The following CHST11 variants were observed in gnomAD, a reference collection of about 807,000 sequenced individuals.
CHST11 encodes carbohydrate sulfotransferase 11.
In CHST11, 9 loss-of-function variants were observed where a neutral mutation model predicts 30.4. The observed-to-expected ratio is 0.30, with a 90% CI of 0.18 to 0.52. CHST11 has a LOEUF of 0.52. Ranked by LOEUF, CHST11 falls within the 20% of genes least tolerant of loss-of-function variation. The probability of loss-of-function intolerance (pLI) is 0.97; values close to 1 mark genes in which losing one functional copy is unlikely to be tolerated. For missense variants in CHST11, 348 were observed against 460.6 expected (o/e 0.76, Z 2.24); for synonymous variants, 152 against 187.8 (o/e 0.81, Z 1.56).
chr12:104,614,667 TTATGCA>T (rs1454970978), intron 2 of CHST11, among the ~76,000 whole-genome samples: 5 of 150,182 alleles, frequency 3.3e-5, no homozygotes, highest in Non-Finnish European at 5.9e-5. Flanking sequence ...GCATGCATGC[TTATGCA>T]TGTGTGTGTG....
intron 2 of CHST11, among the ~76,000 whole-genome samples, chr12:104,631,546 G>C (rs1224556009): frequency 6.6e-6 from 1 of 151,896 alleles, no homozygotes; most frequent in Admixed American, 6.5e-5. Context: ...CTCTTCATGG[G>C]GGACCCTCAG....
intron 2 of CHST11, among the ~76,000 whole-genome samples, chr12:104,629,853 A>C (rs980518456): frequency 6.6e-6 from 1 of 152,154 alleles, no homozygotes; most frequent in African/African-American, 2.4e-5. Flanking sequence ...CATTTAATAC[A>C]CTTAACCTAT....
At chr12:104,465,510 C>T (rs1010357587) in intron 1 of CHST11, among the ~76,000 whole-genome samples, 1 of 152,200 alleles carries the variant, frequency 6.6e-6, no homozygotes, top group African/African-American at 2.4e-5. Flanking sequence ...TGTCATTTCT[C>T]TTTTCTGGCC....
At chr12:104,736,877 G>T (rs2040305597) in intron 2 of CHST11, among the ~76,000 whole-genome samples, 1 of 152,200 alleles carries the variant, frequency 6.6e-6, no homozygotes, top group African/African-American at 2.4e-5. Context: ...AAGCATAGGA[G>T]AAATGCATCC....
chr12:104,514,413 GC>G lies in CHST11; in HGVS notation c.118+56886del, dbSNP rs2037999832. ...CATGGGGCTCTTCTGTTTGATGGTTGCCTTCCTCATCCTCTTCACCATGTGA... is the reference window on the plus strand; with the variant it reads ...CATGGGGCTCTTCTGTTTGATGGTTGCTTCCTCATCCTCTTCACCATGTGA... On this transcript the variant is annotated intron_variant, in intron 1 of 2. Transcript: ENST00000303694. The G allele has an allele frequency of 5.5e-6, 5 of 907,924 alleles. No homozygotes were observed. In the East Asian group the frequency reaches 1.2e-4, roughly 22 times the overall value. The allele number at this position is 907,924 out of a possible 1,614,324, so 56.2% of individuals were successfully genotyped here.
intron 2 of CHST11, among the ~76,000 whole-genome samples, chr12:104,605,378 GACCATCCTGGCTA>G (rs1445847000): frequency 2.6e-5 from 4 of 152,110 alleles, no homozygotes; most frequent in African/African-American, 9.7e-5. Context: ...AGGAGATCGA[GACCATCCTGGCTA>G]ACACGGCGAA....
At chr12:104,639,927 C>G (rs1211539096) in intron 2 of CHST11, among the ~76,000 whole-genome samples, 3 of 152,004 alleles carry the variant, frequency 2.0e-5, no homozygotes, top group African/African-American at 7.3e-5. Flanking sequence ...AAGATACAAA[C>G]AGATGTCGCC....
chr12:104,497,920 T>C (rs924393255), intron 1 of CHST11, among the ~76,000 whole-genome samples: 1 of 141,118 alleles, frequency 7.1e-6, no homozygotes, highest in Non-Finnish European at 1.5e-5. Flanking sequence ...TTTTTTTTTT[T>C]TTTTTTTTTT....
At chr12:104,711,804 C>T (rs1358423885) in intron 2 of CHST11, among the ~76,000 whole-genome samples, 3 of 152,162 alleles carry the variant, frequency 2.0e-5, no homozygotes, top group Non-Finnish European at 2.9e-5. Context: ...TCCAGGTCCA[C>T]CTGGGGCTCA....
chr12:104,538,895 C>T (rs1755629891), intron 1 of CHST11, among the ~76,000 whole-genome samples: 2 of 152,188 alleles, frequency 1.3e-5, no homozygotes, highest in Non-Finnish European at 2.9e-5. Flanking sequence ...CATAGCACTT[C>T]TTGTATTTCA....
At chr12:104,614,159 A>AAT (rs2039086438) in intron 2 of CHST11, among the ~76,000 whole-genome samples, 1 of 152,220 alleles carries the variant, frequency 6.6e-6, no homozygotes. Context: ...GTATACCATG[A>AAT]ATATATATAA....
intron 1 of CHST11, among the ~76,000 whole-genome samples, chr12:104,590,311 A>T (rs1430625518): frequency 6.6e-6 from 1 of 152,208 alleles, no homozygotes; most frequent in Non-Finnish European, 1.5e-5. Context: ...GGAGAATCTG[A>T]TTCAGAAGGG....
At chr12:104,556,551 T>A (rs2038456991) in intron 1 of CHST11, among the ~76,000 whole-genome samples, 1 of 152,216 alleles carries the variant, frequency 6.6e-6, no homozygotes, top group African/African-American at 2.4e-5. Flanking sequence ...GCTTCTGTGG[T>A]CGTTGGCAAT....
rs2037376120 is a variant in CHST11, at chr12:104,458,397, TCCGGTCCCTTGTG to T, written c.118+869_118+881del. ...GCGGCGTGGGAATGAACCCCATTCC[TCCGGTCCCTTGTG>T]GCTCAGGCAAAGTTCCACGTCCGAA... On this transcript the variant is annotated intron_variant, in intron 1 of 2. Coordinates refer to ENST00000303694, the MANE Select transcript of CHST11 (RefSeq NM_018413.6). This position sits in a 1 kb window ranked among gnomAD's most constrained non-coding sequence, Gnocchi z 5.7. 6.6e-6 allele frequency among the ~76,000 whole-genome samples: 1 copy of T among 152,208 alleles called. No individual in the cohort carries two copies. Among genetic ancestry groups the T allele is most frequent in the Non-Finnish European group, 1.5e-5 (1 of 68,030 alleles).
At chr12:104,463,190 A>G (rs909298947) in intron 1 of CHST11, among the ~76,000 whole-genome samples, 5 of 152,242 alleles carry the variant, frequency 3.3e-5, no homozygotes, top group Admixed American at 6.5e-5. Context: ...TCTGGAGGTC[A>G]AGTGAAAAAG....
intron 1 of CHST11, among the ~76,000 whole-genome samples, chr12:104,488,397 G>A (rs184583596): frequency 9.2e-5 from 14 of 151,846 alleles, no homozygotes; most frequent in Non-Finnish European, 1.9e-4. Context: ...GTATGTGTGC[G>A]TGTGTCCAGG....
At chr12:104,565,387 C>T (rs953555882) in intron 1 of CHST11, among the ~76,000 whole-genome samples, 1 of 151,060 alleles carries the variant, frequency 6.6e-6, no homozygotes, top group Non-Finnish European at 1.5e-5. Context: ...CTGCCTCAGC[C>T]TCCCGAGTAG....
chr12:104,527,413 CT>C (rs1171836059), intron 1 of CHST11, among the ~76,000 whole-genome samples: 1 of 152,168 alleles, frequency 6.6e-6, no homozygotes, highest in Non-Finnish European at 1.5e-5. Context: ...TGCTGTCTGC[CT>C]TTCTGACCTT....
intron 1 of CHST11, among the ~76,000 whole-genome samples, chr12:104,563,027 T>TG (rs1555232585): frequency 2.0e-5 from 3 of 152,036 alleles, no homozygotes; most frequent in Non-Finnish European, 4.4e-5. Flanking sequence ...AGTGGTTTTT[T>TG]TTGTTGTTGT....
Sources: allele counts gnomAD v4.1 joint callset (sites outside exome capture counted in the v4.1 genomes callset), GRCh38; gene constraint gnomAD v4.1.1; non-coding constraint Gnocchi (gnomAD v3.1); transcripts MANE v1.5; gene names NCBI Gene and HGNC (gene_info 2026-07-23, HGNC 2026-07-21).